The following ADAMTS17 variants were observed in gnomAD, a reference collection of about 807,000 sequenced individuals.
ADAMTS17 encodes A disintegrin and metalloproteinase with thrombospondin motifs 17.
In ADAMTS17, 113 loss-of-function variants were observed where a neutral mutation model predicts 141.5. The ratio of observed to expected loss-of-function variants is 0.80; its 90% CI spans 0.69 to 0.93. ADAMTS17 has a LOEUF of 0.93. Ranked by LOEUF, ADAMTS17 falls within the 40% of genes least tolerant of loss-of-function variation. The pLI, the probability that ADAMTS17 is intolerant of heterozygous loss-of-function variation, is 0.00. For missense variants in ADAMTS17, 1,659 were observed against 1,517.9 expected, an observed-to-expected ratio of 1.09 and a Z score of -1.54; for synonymous variants, 768 against 630.6, an observed-to-expected ratio of 1.22 and a Z score of -3.27.
chr15:100,116,511 A>ATCCTTGGTCTCCT (rs2037139653), intron 13 of ADAMTS17, among the ~76,000 whole-genome samples: 1 of 152,256 alleles, frequency 6.6e-6, no homozygotes, highest in African/African-American at 2.4e-5. Context: ...ATGCCCCTGT[A>ATCCTTGGTCTCCT]AAGCTCCTTG....
Position 100,039,909 on chromosome 15 carries a change from T to C in ADAMTS17, c.2591+8948A>G, listed in dbSNP as rs138563570. On this transcript the variant is annotated intron_variant, in intron 18 of 21. Transcript: ENST00000268070. ...ATTTTAGGGTCTCATATGTTTATAA[T>C]TGTTGTATCTTCCTGATGGATTGCC... Among the ~76,000 whole-genome samples the C allele has an allele frequency of 6.2e-4, 95 of 152,320 alleles. 2 individuals carry two copies. The East Asian group carries it at 8.3e-3, about 13-fold the overall frequency.
chr15:100,174,668 G>A (rs906660672), intron 8 of ADAMTS17, among the ~76,000 whole-genome samples: 3 of 152,140 alleles, frequency 2.0e-5, no homozygotes, highest in Non-Finnish European at 2.9e-5. Flanking sequence ...TCATTTCACA[G>A]GATAAAAATA....
Position 99,976,052 on chromosome 15 carries a change from G to T in ADAMTS17, c.3120C>A (p.Pro1040=), listed in dbSNP as rs770162853. 10 of 1,550,598 alleles carry T rather than the reference G, an allele frequency of 6.4e-6. No individual in the cohort carries two copies. In the African/African-American group the frequency reaches 9.6e-5, roughly 15 times the overall value. Residue 1040 remains proline (P), a synonymous_variant, in exon 21 of 22, where the codon CCC becomes CCA. Coordinates refer to ENST00000268070, the MANE Select transcript of ADAMTS17 (RefSeq NM_139057.4). ...GCCAGTGAAGACACTCACCAAGGCGGGGGGAGGTGATGGTGTTGGCGTTGA... is the reference window on the plus strand; with the variant it reads ...GCCAGTGAAGACACTCACCAAGGCGTGGGGAGGTGATGGTGTTGGCGTTGA... ...DRINANTITS[P]RLAALTYKCT... is the part of the protein sequence containing the mutation.
At chr15:100,147,196 G>A (rs763328504) in intron 10 of ADAMTS17, among the ~76,000 whole-genome samples, 3 of 151,902 alleles carry the variant, frequency 2.0e-5, no homozygotes, top group Admixed American at 6.6e-5. Context: ...TCCCCTGGAC[G>A]CCCAGCTTTA....
chr15:100,122,947 CAGA>C (rs1362347677), intron 12 of ADAMTS17, among the ~76,000 whole-genome samples: 2 of 152,200 alleles, frequency 1.3e-5, no homozygotes, highest in Non-Finnish European at 2.9e-5. Flanking sequence ...CCTGAGACAA[CAGA>C]AAGAGGCATC....
intron 8 of ADAMTS17, among the ~76,000 whole-genome samples, chr15:100,189,694 C>T (rs2040848509): frequency 6.6e-6 from 1 of 152,226 alleles, no homozygotes; most frequent in Non-Finnish European, 1.5e-5. Context: ...CTGAAGCTGC[C>T]TCACGGCAGG....
In ADAMTS17 at chr15:100,233,203, G is replaced by A. The variant is rs1235961117; in HGVS notation, c.1075+20933C>T. Among the ~76,000 whole-genome samples, 8 of 152,074 alleles carry A rather than the reference G, an allele frequency of 5.3e-5. No individual in the cohort carries two copies. In the South Asian group the frequency reaches 6.2e-4, roughly 12 times the overall value. On this transcript the variant is annotated intron_variant, in intron 7 of 21. Coordinates refer to ENST00000268070, the MANE Select transcript of ADAMTS17 (RefSeq NM_139057.4). The stretch of plus-strand genomic sequence containing the variant: ...AAATGAGTCGGGCGTGGGGACGGAC[G>A]CCTGTAACCCCAGGTACTCAGGATG...
Position 100,262,804 on chromosome 15 carries a change from A to AC in ADAMTS17, c.790-370dup, listed in dbSNP as rs1555497490. Among the ~76,000 whole-genome samples, 851 of 150,248 alleles carry AC rather than the reference A, an allele frequency of 5.7e-3. 16 individuals are homozygous for AC. The highest frequency in any genetic ancestry group is 0.017 in the African/African-American group (705 of 40,294). On this transcript the variant is annotated intron_variant, in intron 4 of 21. Transcript: ENST00000268070. The stretch of plus-strand genomic sequence containing the variant: ...TACTAAAAAAAAAAAAAAACAAAAA[A>AC]CCTAAAGAATAATTATGTGAAATTC...
intron 7 of ADAMTS17, among the ~76,000 whole-genome samples, chr15:100,242,171 C>T (rs1447019694): frequency 6.6e-6 from 1 of 152,240 alleles, no homozygotes; most frequent in Non-Finnish European, 1.5e-5. Context: ...TCCGGAGGGT[C>T]ACTCGCATCC....
At chr15:100,200,315 G>T (rs1329193506) in intron 7 of ADAMTS17, among the ~76,000 whole-genome samples, 1 of 152,136 alleles carries the variant, frequency 6.6e-6, no homozygotes, top group African/African-American at 2.4e-5. Flanking sequence ...TTGGCAGAGG[G>T]ACGCATAGGA....
At chr15:100,283,031 T>C (rs1053405376) in intron 3 of ADAMTS17, among the ~76,000 whole-genome samples, 2 of 151,180 alleles carry the variant, frequency 1.3e-5, no homozygotes, top group African/African-American at 4.9e-5. Context: ...CAGATTTATA[T>C]AATATGCAGG....
At chr15:100,150,559 C>G (rs1482175807) in intron 10 of ADAMTS17, among the ~76,000 whole-genome samples, 5 of 152,158 alleles carry the variant, frequency 3.3e-5, no homozygotes, top group Admixed American at 1.3e-4. Flanking sequence ...CTGTGAGTCC[C>G]CAGTACAAGT....
chr15:100,151,629 G>C (rs554418354), intron 10 of ADAMTS17, among the ~76,000 whole-genome samples: 10 of 152,288 alleles, frequency 6.6e-5, no homozygotes, highest in Admixed American at 5.9e-4. Flanking sequence ...TGGCTGCTGA[G>C]TTCCACATAC....
chr15:100,042,666 T>C (rs2031352831), intron 18 of ADAMTS17, among the ~76,000 whole-genome samples: 1 of 152,156 alleles, frequency 6.6e-6, no homozygotes, highest in Non-Finnish European at 1.5e-5. Flanking sequence ...CACCCTACAG[T>C]TGATCTAACT....
intron 18 of ADAMTS17, among the ~76,000 whole-genome samples, chr15:100,046,814 C>G (rs1264423659): frequency 6.6e-6 from 1 of 152,092 alleles, no homozygotes; most frequent in Non-Finnish European, 1.5e-5. Flanking sequence ...GTGATGATTG[C>G]GTTAACTGCA....
At chr15:100,085,322 T>C (rs963903369) in intron 15 of ADAMTS17, among the ~76,000 whole-genome samples, 2 of 148,476 alleles carry the variant, frequency 1.3e-5, no homozygotes, top group African/African-American at 5.1e-5. Flanking sequence ...GAACAAAGCC[T>C]CCAAGAAATA....
At chr15:100,055,822 A>G (rs1281903876) in intron 15 of ADAMTS17, among the ~76,000 whole-genome samples, 1 of 152,182 alleles carries the variant, frequency 6.6e-6, no homozygotes, top group Non-Finnish European at 1.5e-5. Flanking sequence ...ACTCTGACCC[A>G]TTTAATCTTC....
chr15:100,308,426 A>C (rs2045296356), intron 3 of ADAMTS17, among the ~76,000 whole-genome samples: 1 of 152,190 alleles, frequency 6.6e-6, no homozygotes, highest in African/African-American at 2.4e-5. Flanking sequence ...CGCTGGTAGA[A>C]TCCTCAGGCT....
intron 7 of ADAMTS17, among the ~76,000 whole-genome samples, chr15:100,200,816 G>A (rs1596259435): frequency 2.6e-5 from 4 of 152,126 alleles, no homozygotes; most frequent in South Asian, 2.1e-4. Flanking sequence ...TCCCTCTGTC[G>A]AGCTGCACCT....
Sources: allele counts gnomAD v4.1 joint callset (sites outside exome capture counted in the v4.1 genomes callset), GRCh38; gene constraint gnomAD v4.1.1; transcripts MANE v1.5; gene names NCBI Gene and HGNC (gene_info 2026-07-23, HGNC 2026-07-21).